GRM5: variants seen among roughly 807,000 people sequenced by gnomAD.
GRM5 encodes the protein metabotropic glutamate receptor 5.
GRM5 carries 19 observed loss-of-function variants against 83.1 expected under a neutral mutation model. The ratio of observed to expected loss-of-function variants is 0.23; its 90% CI spans 0.16 to 0.34. The LOEUF (loss-of-function observed/expected upper bound fraction) is 0.34, where lower values mean the gene tolerates loss of function less well. Ranked by LOEUF, GRM5 falls within the 10% of genes least tolerant of loss-of-function variation. The pLI is 1.00. For synonymous variants in GRM5, 675 were observed against 633.6 expected (o/e 1.07, Z -0.98); for missense variants, 1,160 against 1,588.3 (o/e 0.73, Z 4.58).
At chr11:88,801,164 A>G (rs1414472639) in intron 3 of GRM5, among the ~76,000 whole-genome samples, 1 of 152,124 alleles carries the variant, frequency 6.6e-6, no homozygotes, top group Non-Finnish European at 1.5e-5. Flanking sequence ...AGAGATTTTA[A>G]GTTCCAAAAT....
intron 3 of GRM5, among the ~76,000 whole-genome samples, chr11:88,726,218 CA>C (rs1221217429): frequency 5.3e-5 from 8 of 152,096 alleles, no homozygotes; most frequent in Non-Finnish European, 1.0e-4. Context: ...CTGAAAAACA[CA>C]GCACAAGAAC....
intron 3 of GRM5, among the ~76,000 whole-genome samples, chr11:88,717,875 T>C (rs1565199365): frequency 6.6e-6 from 1 of 150,566 alleles, no homozygotes; most frequent in South Asian, 2.1e-4. Context: ...CTATTTATAG[T>C]TAGAAGGATA....
chr11:88,800,383 G>A (rs991085861), intron 3 of GRM5, among the ~76,000 whole-genome samples: 2 of 151,406 alleles, frequency 1.3e-5, no homozygotes, highest in African/African-American at 4.9e-5. Flanking sequence ...CACAGGCAGA[G>A]TTATGTAGTT....
At chr11:88,568,975 A>G (rs1235635988) in intron 7 of GRM5, among the ~76,000 whole-genome samples, 1 of 152,182 alleles carries the variant, frequency 6.6e-6, no homozygotes, top group Non-Finnish European at 1.5e-5. Flanking sequence ...CCTTGATTAT[A>G]TAGCAGAAAA....
chr11:88,971,508 C>A (rs1056296991), intron 2 of GRM5, among the ~76,000 whole-genome samples: 23 of 152,096 alleles, frequency 1.5e-4, no homozygotes, highest in African/African-American at 5.6e-4. Context: ...ATTTAGCCCC[C>A]ACTTATAAGT....
chr11:88,581,201 C>G (rs992720430), intron 7 of GRM5, among the ~76,000 whole-genome samples: 4 of 152,176 alleles, frequency 2.6e-5, no homozygotes, highest in African/African-American at 9.6e-5. Flanking sequence ...TTAAATCAAT[C>G]CATCTATCTC....
At chr11:88,604,677 A>T in intron 5 of GRM5, 41 bp downstream of exon 5, 1 of 1,531,898 alleles carries the variant, frequency 6.5e-7, no homozygotes, top group Non-Finnish European at 9.0e-7. Flanking sequence ...GTTGGCTGTT[A>T]TTCAGTCTCT....
intron 3 of GRM5, among the ~76,000 whole-genome samples, chr11:88,716,633 CACTGTACCAAAT>C (rs1941406122): frequency 6.6e-6 from 1 of 151,960 alleles, no homozygotes. Context: ...TGAGCACCCA[CACTGTACCAAAT>C]ACTGTAAAGT....
At chr11:88,700,710 C>T (rs1272781163) in intron 3 of GRM5, among the ~76,000 whole-genome samples, 1 of 152,102 alleles carries the variant, frequency 6.6e-6, no homozygotes, top group Non-Finnish European at 1.5e-5. Flanking sequence ...AAGGGACTCA[C>T]AGAACAGCCA....
intron 2 of GRM5, among the ~76,000 whole-genome samples, chr11:89,007,216 G>A (rs540227370): frequency 1.3e-5 from 2 of 152,286 alleles, no homozygotes; most frequent in East Asian, 1.9e-4. Flanking sequence ...ACACAACAAA[G>A]ACAAAATTTT....
intron 3 of GRM5, among the ~76,000 whole-genome samples, chr11:88,789,797 T>C (rs545016816): frequency 6.6e-5 from 10 of 152,326 alleles, no homozygotes; most frequent in African/African-American, 2.4e-4. Flanking sequence ...ATTAATGTAC[T>C]TGCAGCTTCC....
At chr11:89,046,331 AT>A (rs1450493297) in intron 2 of GRM5, among the ~76,000 whole-genome samples, 1 of 152,154 alleles carries the variant, frequency 6.6e-6, no homozygotes, top group African/African-American at 2.4e-5. Context: ...TATAAAAAGT[AT>A]TTTGTATCTT....
At chr11:88,778,388 C>T (rs899054599) in intron 3 of GRM5, among the ~76,000 whole-genome samples, 2 of 152,200 alleles carry the variant, frequency 1.3e-5, no homozygotes, top group African/African-American at 4.8e-5. Flanking sequence ...AAAGGGAAAT[C>T]CCCCAACCCC....
chr11:88,777,348 T>A (rs1350642882), intron 3 of GRM5, among the ~76,000 whole-genome samples: 1 of 152,336 alleles, frequency 6.6e-6, no homozygotes, highest in East Asian at 1.9e-4. Flanking sequence ...TTATCTTTTT[T>A]CAAGGTTTTT....
chr11:88,975,370 TA>T (rs1413335967), intron 2 of GRM5, among the ~76,000 whole-genome samples: 1 of 152,178 alleles, frequency 6.6e-6, no homozygotes, highest in African/African-American at 2.4e-5. Context: ...TCTCAAACTG[TA>T]GTGTGAACAA....
At chr11:88,814,881 T>C (rs1454837579) in intron 3 of GRM5, among the ~76,000 whole-genome samples, 1 of 152,142 alleles carries the variant, frequency 6.6e-6, no homozygotes, top group Admixed American at 6.5e-5. Flanking sequence ...CATTAAGTAG[T>C]AGAATAATCC....
At chr11:88,551,094 T>A (rs1942497499) in intron 8 of GRM5, among the ~76,000 whole-genome samples, 1 of 152,152 alleles carries the variant, frequency 6.6e-6, no homozygotes, top group South Asian at 2.1e-4. Flanking sequence ...TTCACATGTC[T>A]CAATTTCCTT....
At chr11:88,614,765 T>C (rs1461563266) in intron 4 of GRM5, among the ~76,000 whole-genome samples, 1 of 152,178 alleles carries the variant, frequency 6.6e-6, no homozygotes, top group Non-Finnish European at 1.5e-5. Context: ...ACACTGTATA[T>C]ATAAAGAAAC....
chr11:88,590,834 T>C (rs578157101), intron 6 of GRM5, 107 bp from the exon 7 acceptor site: 2 of 666,912 alleles, frequency 3.0e-6, no homozygotes, highest in South Asian at 4.5e-5. Context: ...TTCACATACA[T>C]TATTTTAAAT....
Sources: gnomAD v4.1 joint callset for allele counts (sites outside exome capture counted in the v4.1 genomes callset) on GRCh38, gnomAD v4.1.1 for gene constraint, MANE v1.5 for transcripts, NCBI Gene and HGNC (gene_info 2026-07-23, HGNC 2026-07-21) for gene names.